ALK: variants seen among roughly 807,000 people sequenced by gnomAD.
ALK encodes the protein ALK tyrosine kinase receptor.
In ALK, 74 loss-of-function variants were observed where a neutral mutation model predicts 163.1. The observed-to-expected ratio is 0.45, with a 90% confidence interval of 0.38 to 0.55. ALK has a LOEUF of 0.55. ALK is among the 20% of genes least tolerant of loss of function. The pLI, the probability that ALK is intolerant of heterozygous loss-of-function variation, is 0.00. For synonymous variants in ALK, 960 were observed against 843.2 expected (o/e 1.14, Z -2.40); for missense variants, 2,063 against 2,105.3 (o/e 0.98, Z 0.39).
At chr2:29,590,815 T>C (rs1027993970) in intron 3 of ALK, among the ~76,000 whole-genome samples, 1 of 152,092 alleles carries the variant, frequency 6.6e-6, no homozygotes, top group Non-Finnish European at 1.5e-5. Context: ...CTCACGCCTG[T>C]AATCCTAGCA....
chr2:29,515,005 G>A (rs1672624003), intron 4 of ALK, among the ~76,000 whole-genome samples: 1 of 152,182 alleles, frequency 6.6e-6, no homozygotes. Flanking sequence ...TCCTCTGCCT[G>A]TCCTTTCCCC....
At chr2:29,872,085 C>A (rs1347924013) in intron 1 of ALK, among the ~76,000 whole-genome samples, 2 of 152,192 alleles carry the variant, frequency 1.3e-5, no homozygotes, top group Non-Finnish European at 2.9e-5. Flanking sequence ...CAGGAAACCT[C>A]ACACTCTCCA....
At chr2:29,502,258 A>G (rs12475058) in intron 4 of ALK, among the ~76,000 whole-genome samples, 20,668 of 152,192 alleles carry the variant, frequency 0.14, 1,741 homozygotes, top group East Asian at 0.3. Context: ...GGTACAGACC[A>G]TTGCTGGCTT....
chr2:29,460,191 T>C (rs1671051803), intron 4 of ALK, among the ~76,000 whole-genome samples: 1 of 152,202 alleles, frequency 6.6e-6, no homozygotes, highest in Non-Finnish European at 1.5e-5. Flanking sequence ...ATATATTTTC[T>C]AAATTGGGCT....
At position 29,920,792 on chromosome 2, in the gene ALK, G is replaced by A. The variant is rs1667980084; in HGVS notation, c.-133C>T. ...CCACCTGATCTCCAGAGGACTGTGC[G>A]TGCGCGCAAGTCTCTTGCTTTCCCC... is the stretch of plus-strand genomic sequence containing the variant. On this transcript the variant is annotated 5_prime_UTR_variant, in exon 1 of 29. In the 5' UTR this introduces an upstream ATG that the reference lacks. Transcript: ENST00000389048. 2 of 772,898 alleles carry A rather than the reference G, an allele frequency of 2.6e-6. No homozygotes were observed. Among genetic ancestry groups the A allele is most frequent in the Middle Eastern group, 3.8e-4 (1 of 2,660 alleles). The allele number at this position is 772,898 out of a possible 1,614,324, so 47.9% of individuals were successfully genotyped here.
chr2:29,677,257 TCC>T (rs1677906685), intron 3 of ALK, among the ~76,000 whole-genome samples: 2 of 24,484 alleles, frequency 8.2e-5, no homozygotes, highest in African/African-American at 1.5e-4. Context: ...TCCCCTCCCC[TCC>T]CCTCCCCTCC....
At chr2:29,796,871 T>G (rs1429110272) in intron 1 of ALK, among the ~76,000 whole-genome samples, 1 of 151,972 alleles carries the variant, frequency 6.6e-6, no homozygotes. Flanking sequence ...CAAATAAAAT[T>G]CTATTAGTGT....
intron 4 of ALK, among the ~76,000 whole-genome samples, chr2:29,524,876 CGGAT>C (rs372355710): frequency 6.8e-6 from 1 of 146,958 alleles, no homozygotes. Context: ...GATGGATGAA[CGGAT>C]GGATGGATGG....
intron 4 of ALK, among the ~76,000 whole-genome samples, chr2:29,433,077 T>C (rs1419529457): frequency 6.6e-6 from 1 of 152,184 alleles, no homozygotes; most frequent in Non-Finnish European, 1.5e-5. Context: ...ATAATCCCTA[T>C]TTATTTCCAA....
chr2:29,897,280 T>G (rs7579524), intron 1 of ALK, among the ~76,000 whole-genome samples: 113,848 of 151,856 alleles, frequency 0.75, 42,799 homozygotes, highest in East Asian at 0.79. Flanking sequence ...GGCAGAGGTT[T>G]CAGTGAGCTG....
chr2:29,320,748 T>C lies in ALK; in HGVS notation c.1546+3A>G. 6.2e-7 allele frequency: 1 copy of C among 1,613,542 alleles called. No homozygotes were observed. The highest frequency in any genetic ancestry group is 8.5e-7 in the Non-Finnish European group (1 of 1,179,938). ...CAGAGAGAAGGCAGGAGAGCAGTAG[T>C]ACCTTGGTGGTCCTGGAACCGGGCA... On this transcript the variant is annotated splice_donor_region_variant and intron_variant, in intron 7 of 28. Coordinates refer to ENST00000389048, the MANE Select transcript of ALK (RefSeq NM_004304.5).
At chr2:29,683,174 C>T (rs763639772) in intron 3 of ALK, among the ~76,000 whole-genome samples, 11 of 152,008 alleles carry the variant, frequency 7.2e-5, no homozygotes, top group Admixed American at 2.0e-4. Flanking sequence ...GTCAGGAGTT[C>T]GAGACCAACC....
At chr2:29,805,605 G>T (rs1430473523) in intron 1 of ALK, among the ~76,000 whole-genome samples, 1 of 152,108 alleles carries the variant, frequency 6.6e-6, no homozygotes, top group East Asian at 1.9e-4. Flanking sequence ...TTGGTTTCCT[G>T]TTCCTGTGTT....
chr2:29,745,672 C>T (rs1383954184), intron 1 of ALK, among the ~76,000 whole-genome samples: 3 of 152,220 alleles, frequency 2.0e-5, no homozygotes, highest in Admixed American at 2.0e-4. Context: ...ATTATCCTAT[C>T]AAAGTAGGTC....
chr2:29,866,631 A>T (rs190256127), intron 1 of ALK, among the ~76,000 whole-genome samples: 1 of 152,338 alleles, frequency 6.6e-6, no homozygotes, highest in East Asian at 1.9e-4. Context: ...GATCTCTGTG[A>T]TATGCAGATT....
chr2:29,704,085 GC>G (rs1449858060), intron 2 of ALK, among the ~76,000 whole-genome samples: 1 of 152,082 alleles, frequency 6.6e-6, no homozygotes, highest in African/African-American at 2.4e-5. Flanking sequence ...TTCCTGACAA[GC>G]CTGGTTAAGT....
chr2:29,390,516 A>G (rs1046363631), intron 4 of ALK, among the ~76,000 whole-genome samples: 2 of 151,708 alleles, frequency 1.3e-5, no homozygotes, highest in African/African-American at 2.4e-5. Flanking sequence ...AGGTGTAAAG[A>G]TTTGTTAGAA....
intron 2 of ALK, among the ~76,000 whole-genome samples, chr2:29,701,291 A>T (rs572171504): frequency 1.3e-5 from 2 of 152,230 alleles, no homozygotes; most frequent in South Asian, 2.1e-4. Context: ...TTTCTAAATC[A>T]CCTTGGGTCA....
At chr2:29,354,308 C>T (rs940898321) in intron 5 of ALK, among the ~76,000 whole-genome samples, 8 of 152,282 alleles carry the variant, frequency 5.3e-5, no homozygotes, top group Admixed American at 2.6e-4. Flanking sequence ...AGAAGGGAAG[C>T]GCTTTCACAA....
Sources: allele counts gnomAD v4.1 joint callset (sites outside exome capture counted in the v4.1 genomes callset), GRCh38; gene constraint gnomAD v4.1.1; transcripts MANE v1.5; gene names NCBI Gene and HGNC (gene_info 2026-07-23, HGNC 2026-07-21).